RDX: variants seen among roughly 807,000 people sequenced by gnomAD.
The protein encoded by RDX is radixin, also known as deafness, autosomal recessive 24.
In RDX, 32 loss-of-function variants were observed where a neutral mutation model predicts 83.7. That is an observed-to-expected ratio of 0.38 (90% CI 0.29 to 0.51). The LOEUF (loss-of-function observed/expected upper bound fraction) is 0.51. RDX is among the 20% of genes least tolerant of loss of function. RDX has a pLI of 0.87. For synonymous variants in RDX, 229 were observed against 222.7 expected (o/e 1.03, Z -0.25); for missense variants, 600 against 689.9 (o/e 0.87, Z 1.46).
chr11:110,220,925 G>C (rs1211994965), intron 14 of RDX, among the ~76,000 whole-genome samples: 1 of 148,744 alleles, frequency 6.7e-6, no homozygotes, highest in African/African-American at 2.5e-5. Context: ...AGGGAAATTT[G>C]GTACAGGATC....
chr11:110,290,369 G>A (rs909318175), intron 1 of RDX, among the ~76,000 whole-genome samples: 8 of 151,954 alleles, frequency 5.3e-5, no homozygotes, highest in Admixed American at 1.3e-4. Context: ...TAAAAAAGCC[G>A]GGAGTGGTGG....
At chr11:110,292,396 G>A (rs1183520768) in intron 1 of RDX, among the ~76,000 whole-genome samples, 3 of 152,142 alleles carry the variant, frequency 2.0e-5, no homozygotes, top group East Asian at 1.9e-4. Context: ...CTTGAGCCCA[G>A]GAGGTCAAGG....
At position 110,284,526 on chromosome 11, in the gene RDX, ATT is replaced by A. The variant is rs11335075; in HGVS notation, c.-64-4772_-64-4771del. Among the ~76,000 whole-genome samples the A allele has an allele frequency of 7.4e-3, 1,073 of 144,744 alleles. 6 individuals carry two copies. The highest frequency in any genetic ancestry group is 0.021 in the African/African-American group (828 of 39,542). 95.0% of individuals were successfully genotyped at this position (144,744 alleles called of 152,430 possible). A position where few individuals can be genotyped will look rare whatever the true frequency, so the allele number is the denominator to read the frequency against. On this transcript the variant is annotated intron_variant, in intron 1 of 13. Coordinates refer to ENST00000645495, the MANE Select transcript of RDX (RefSeq NM_002906.4). ...ACAGAAAAACACAGGTATTATTATT[ATT>A]TTTTTTTTTTTTGAGATGGTCTCGC...
chr11:110,267,174 G>A (rs1029573341), intron 3 of RDX, among the ~76,000 whole-genome samples: 1 of 152,136 alleles, frequency 6.6e-6, no homozygotes, highest in Non-Finnish European at 1.5e-5. Flanking sequence ...AAAGTGTTGG[G>A]ATTATAGGCA....
chr11:110,210,311 C>A, intron 14 of RDX, among the ~76,000 whole-genome samples: 1 of 128,948 alleles, frequency 7.8e-6, no homozygotes, highest in African/African-American at 3.1e-5. Flanking sequence ...AAGAAATGAG[C>A]AAAGCCTCCA....
Position 110,247,827 on chromosome 11 carries a change from T to C in RDX, c.966A>G (p.Gln322=). ...CTCTTTTCTTCTTTTCATTCTCTAA[T>C]TGTGCCCTTAAAAGGAATTGCAATT... ...EKHQKQLERA[Q]LENEKKKREI... is the part of the protein sequence containing the mutation. The change falls in exon 10 of 14, where the codon CAA becomes CAG. Residue 322 remains glutamine (Q), a synonymous_variant. Transcript: ENST00000645495. 1.3e-6 allele frequency: 2 copies of C among 1,562,746 alleles called. No homozygotes were observed. The highest frequency in any genetic ancestry group is 1.2e-5 in the South Asian group (1 of 86,360).
chr11:110,255,759 GA>G (rs886695613), intron 7 of RDX, among the ~76,000 whole-genome samples: 5 of 149,576 alleles, frequency 3.3e-5, no homozygotes, highest in African/African-American at 7.4e-5. Context: ...GAAGTGGGAA[GA>G]AAAAAAAAGG....
chr11:110,190,071 G>C (rs759629335), intron 15 of RDX, among the ~76,000 whole-genome samples: 1 of 151,862 alleles, frequency 6.6e-6, no homozygotes, highest in Non-Finnish European at 1.5e-5. Context: ...CAACAAGAGC[G>C]AAACTCCATC....
At chr11:110,279,876 T>C in intron 1 of RDX, 120 bp from the exon 2 acceptor site, 2 of 531,600 alleles carry the variant, frequency 3.8e-6, no homozygotes, top group Non-Finnish European at 3.3e-6. Flanking sequence ...TAACAAGGAG[T>C]GATTTCATTC....
intron 14 of RDX, among the ~76,000 whole-genome samples, chr11:110,203,462 G>C (rs1863489783): frequency 1.3e-5 from 2 of 149,254 alleles, no homozygotes; most frequent in Admixed American, 1.3e-4. Flanking sequence ...CCTAGTATTT[G>C]ACAGCACAAG....
chr11:110,201,428 A>T (rs1389377053), intron 14 of RDX, among the ~76,000 whole-genome samples: 1 of 152,216 alleles, frequency 6.6e-6, no homozygotes, highest in Admixed American at 6.5e-5. Context: ...GAGAGGGAAT[A>T]GAACTGAAGG....
At chr11:110,175,580 G>T (rs1160007289) in intron 15 of RDX, among the ~76,000 whole-genome samples, 1 of 152,244 alleles carries the variant, frequency 6.6e-6, no homozygotes, top group Non-Finnish European at 1.5e-5. Flanking sequence ...GGGTGGGTGG[G>T]TGTCAGTGCA....
At chr11:110,180,342 A>G (rs1270666038) in intron 15 of RDX, among the ~76,000 whole-genome samples, 1 of 152,090 alleles carries the variant, frequency 6.6e-6, no homozygotes, top group Admixed American at 6.6e-5. Flanking sequence ...CATATGGCCA[A>G]GGTTTTCCTC....
At chr11:110,199,818 A>G in intron 14 of RDX, 1 of 657,596 alleles carries the variant, frequency 1.5e-6, no homozygotes, top group South Asian at 1.6e-5. Context: ...AGGGCCTGTT[A>G]TTGTCAAACT....
At chr11:110,242,459 A>T (rs563521188) in intron 10 of RDX, among the ~76,000 whole-genome samples, 2,601 of 142,440 alleles carry the variant, frequency 0.018, 25 homozygotes, top group Middle Eastern at 0.043. Flanking sequence ...AAAAAAAATT[A>T]AAAAAAAAAA....
intron 2 of RDX, among the ~76,000 whole-genome samples, chr11:110,276,606 T>C (rs759607219): frequency 1.3e-5 from 2 of 152,208 alleles, no homozygotes; most frequent in African/African-American, 4.8e-5. Flanking sequence ...ATAGACTCTA[T>C]ACATGACTAT....
chr11:110,264,414 T>C (rs551406350), intron 4 of RDX, among the ~76,000 whole-genome samples, 180 bp from the exon 5 acceptor site: 5 of 152,342 alleles, frequency 3.3e-5, no homozygotes, highest in Middle Eastern at 3.4e-3. Context: ...TTCTATGCTC[T>C]TGAATGTGAC....
At chr11:110,201,716 TATA>T (rs1474652913) in intron 14 of RDX, among the ~76,000 whole-genome samples, 2 of 152,254 alleles carry the variant, frequency 1.3e-5, no homozygotes, top group East Asian at 3.9e-4. Flanking sequence ...TGTTAGAATA[TATA>T]ATAAGGGACG....
At chr11:110,242,818 T>C (rs995986947) in intron 10 of RDX, among the ~76,000 whole-genome samples, 13 of 151,934 alleles carry the variant, frequency 8.6e-5, no homozygotes, top group African/African-American at 2.9e-4. Flanking sequence ...ACTGAGTTAA[T>C]ACAGGAGTTA....
Sources: gnomAD v4.1 joint callset for allele counts (sites outside exome capture counted in the v4.1 genomes callset) on GRCh38, gnomAD v4.1.1 for gene constraint, MANE v1.5 for transcripts, NCBI Gene and HGNC (gene_info 2026-07-23, HGNC 2026-07-21) for gene names.